RFX4: variants seen among roughly 807,000 people sequenced by gnomAD.
RFX4 encodes transcription factor RFX4.
A neutral mutation model predicts 95.0 loss-of-function variants in RFX4; 10 were observed. The observed-to-expected ratio is 0.11, with a 90% CI of 0.06 to 0.18. The LOEUF is 0.18. RFX4 is among the 10% of genes least tolerant of loss of function. RFX4 has a pLI of 1.00. For missense variants in RFX4, 640 were observed against 922.0 expected (o/e 0.69, Z 3.96); for synonymous variants, 321 against 340.7 (o/e 0.94, Z 0.64).
At chr12:106,712,655 G>A (rs2042214152) in intron 10 of RFX4, among the ~76,000 whole-genome samples, 1 of 152,102 alleles carries the variant, frequency 6.6e-6, no homozygotes, top group African/African-American at 2.4e-5. Context: ...GGGATGATTT[G>A]GAGACCAGAG....
chr12:106,714,128 T>C (rs965167869), intron 10 of RFX4, among the ~76,000 whole-genome samples: 99 of 149,504 alleles, frequency 6.6e-4, no homozygotes, highest in African/African-American at 2.4e-3. Context: ...ATTCACTCTT[T>C]GGTAAACAGT....
chr12:106,597,602 T>C (rs1200405168), intron 1 of RFX4, among the ~76,000 whole-genome samples: 4 of 152,164 alleles, frequency 2.6e-5, no homozygotes, highest in East Asian at 1.9e-4. Context: ...CTCAAGGAGG[T>C]TGAGTCCCTT....
intron 3 of RFX4, among the ~76,000 whole-genome samples, chr12:106,649,759 T>A (rs1304904879): frequency 6.6e-6 from 1 of 152,216 alleles, no homozygotes; most frequent in Non-Finnish European, 1.5e-5. Flanking sequence ...TTTGAAAGCA[T>A]GATTTTCACC....
intron 13 of RFX4, among the ~76,000 whole-genome samples, chr12:106,721,360 T>TC (rs574415701): frequency 6.6e-6 from 1 of 152,220 alleles, no homozygotes; most frequent in Non-Finnish European, 1.5e-5. Context: ...GCATTTGCAT[T>TC]CACTTTCCCT....
intron 1 of RFX4, among the ~76,000 whole-genome samples, chr12:106,608,197 CA>C (rs1565948231): frequency 6.6e-6 from 1 of 150,500 alleles, no homozygotes; most frequent in East Asian, 1.9e-4. Context: ...CTCAAAAACA[CA>C]AAAAAAGAGG....
intron 17 of RFX4, among the ~76,000 whole-genome samples, chr12:106,755,686 T>A (rs2136102183): frequency 6.6e-6 from 1 of 152,274 alleles, no homozygotes; most frequent in Admixed American, 6.5e-5. Flanking sequence ...ATAGAGAAAA[T>A]CCACTGCAGG....
intron 1 of RFX4, among the ~76,000 whole-genome samples, chr12:106,605,392 G>A (rs542066140): frequency 1.3e-5 from 2 of 152,180 alleles, no homozygotes; most frequent in Non-Finnish European, 2.9e-5. Context: ...AATTGGAGAT[G>A]CCACTCCTAA....
intron 6 of RFX4, 83 bp downstream of exon 6, chr12:106,687,180 T>TCA (rs1186614190): frequency 1.3e-4 from 88 of 682,186 alleles, no homozygotes; most frequent in African/African-American, 1.2e-3. Context: ...TCTCTCTCTC[T>TCA]CTCACACACA....
chr12:106,667,436 C>T (rs1312812061), intron 4 of RFX4, among the ~76,000 whole-genome samples: 4 of 152,176 alleles, frequency 2.6e-5, no homozygotes, highest in Non-Finnish European at 5.9e-5. Flanking sequence ...CTGCCGGAAG[C>T]GTGAGGGACT....
At chr12:106,644,847 C>G (rs2040710702) in intron 3 of RFX4, among the ~76,000 whole-genome samples, 1 of 152,220 alleles carries the variant, frequency 6.6e-6, no homozygotes, top group Non-Finnish European at 1.5e-5. Context: ...TGTGCCCTCT[C>G]TCCAGCGGCA....
intron 9 of RFX4, among the ~76,000 whole-genome samples, chr12:106,710,334 A>G (rs1352285201): frequency 6.6e-6 from 1 of 152,170 alleles, no homozygotes; most frequent in African/African-American, 2.4e-5. Flanking sequence ...CTATTGATAA[A>G]GCCTGCTTTA....
intron 4 of RFX4, among the ~76,000 whole-genome samples, chr12:106,677,962 A>G (rs2041428779): frequency 6.6e-6 from 1 of 152,176 alleles, no homozygotes. Flanking sequence ...TAGGTAACTC[A>G]GTGGAGATTG....
chr12:106,667,194 T>C (rs1343462716), intron 4 of RFX4, among the ~76,000 whole-genome samples: 1 of 152,172 alleles, frequency 6.6e-6, no homozygotes, highest in African/African-American at 2.4e-5. Flanking sequence ...ATTGGATATT[T>C]CCCTTCTTTC....
At position 106,694,367 on chromosome 12, in the gene RFX4, C is replaced by T. The variant is rs759644704; in HGVS notation, c.670-1916C>T. 3.3e-5 allele frequency among the ~76,000 whole-genome samples: 5 copies of T among 152,158 alleles called. No homozygotes were observed. In the East Asian group the frequency reaches 5.8e-4, roughly 18 times the overall value. On this transcript the variant is annotated intron_variant, in intron 7 of 17. Transcript: ENST00000392842. ...TGAGATGGAGTCACCAGGCTAGAGT[C>T]GGGGCATGGCTCTACTAGCCAGAGG...
At chr12:106,614,298 C>T (rs1315821307) in intron 2 of RFX4, among the ~76,000 whole-genome samples, 1 of 151,890 alleles carries the variant, frequency 6.6e-6, no homozygotes, top group Non-Finnish European at 1.5e-5. Flanking sequence ...GTAGCTGGGA[C>T]TACAGGCACA....
At chr12:106,664,332 T>C (rs951813627) in intron 4 of RFX4, among the ~76,000 whole-genome samples, 1 of 151,912 alleles carries the variant, frequency 6.6e-6, no homozygotes, top group African/African-American at 2.4e-5. Context: ...TTATCGAATC[T>C]GTGGGCATAG....
At chr12:106,699,827 T>A (rs1386193802) in intron 8 of RFX4, among the ~76,000 whole-genome samples, 1 of 152,158 alleles carries the variant, frequency 6.6e-6, no homozygotes, top group East Asian at 1.9e-4. Context: ...TCTTTTTTAT[T>A]GTCTGGCAAT....
intron 3 of RFX4, among the ~76,000 whole-genome samples, chr12:106,648,723 A>G (rs902492465): frequency 6.6e-6 from 1 of 150,744 alleles, no homozygotes; most frequent in Non-Finnish European, 1.5e-5. Context: ...ACTGACGCAG[A>G]GCGACCTTTC....
At chr12:106,583,582 G>A (rs1311206166) in intron 1 of RFX4, 8 of 399,478 alleles carry the variant, frequency 2.0e-5, no homozygotes, top group Non-Finnish European at 3.5e-5. Flanking sequence ...ACGTGTGTGA[G>A]TGTGTGTGCG....
Sources: allele counts gnomAD v4.1 joint callset (sites outside exome capture counted in the v4.1 genomes callset), GRCh38; gene constraint gnomAD v4.1.1; transcripts MANE v1.5; gene names NCBI Gene and HGNC (gene_info 2026-07-23, HGNC 2026-07-21).